SCLT1: variants seen among roughly 807,000 people sequenced by gnomAD.
SCLT1 encodes the protein sodium channel and clathrin linker 1, also known as sodium channel-associated protein 1.
Under a neutral mutation model 112.8 loss-of-function variants are expected in SCLT1, and 78 were observed. The observed-to-expected ratio is 0.69, with a 90% CI of 0.58 to 0.83. SCLT1 has a LOEUF of 0.83. Ranked by LOEUF, SCLT1 falls within the 40% of genes least tolerant of loss-of-function variation. The pLI, the probability that SCLT1 is intolerant of heterozygous loss-of-function variation, is 0.00. For missense variants in SCLT1, 747 were observed against 770.4 expected, an observed-to-expected ratio of 0.97 and a Z score of 0.36; for synonymous variants, 257 against 254.7, an observed-to-expected ratio of 1.01 and a Z score of -0.09.
downstream of SCLT1, among the ~76,000 whole-genome samples, chr4:128,879,374 T>A (rs1005776647): frequency 2.6e-5 from 4 of 151,714 alleles, no homozygotes; most frequent in Admixed American, 6.6e-5. Flanking sequence ...ATGAATTACA[T>A]CCCATGACAC....
At chr4:128,881,409 T>C (rs968931508), downstream of SCLT1, among the ~76,000 whole-genome samples, 3 of 152,242 alleles carry the variant, frequency 2.0e-5, no homozygotes, top group Non-Finnish European at 4.4e-5. Flanking sequence ...TGTGTAACTA[T>C]GAAATATTTA....
At chr4:128,946,402 T>C (rs867275043) in intron 15 of SCLT1, among the ~76,000 whole-genome samples, 10 of 152,154 alleles carry the variant, frequency 6.6e-5, no homozygotes, top group South Asian at 2.1e-4. Context: ...GACCCTGTCA[T>C]CTAAAAAAAG....
chr4:129,031,901 T>G lies in SCLT1; in HGVS notation c.290+7140A>C, dbSNP rs865930608. Reference sequence around the variant, plus strand: ...CCCAAAGTAATTTATAGATTCAATGTTATTCCCATCAAGCTACCATTGACT... The same window carrying G: ...CCCAAAGTAATTTATAGATTCAATGGTATTCCCATCAAGCTACCATTGACT... On this transcript the variant is annotated intron_variant, in intron 5 of 20. Transcript: ENST00000281142. Among the ~76,000 whole-genome samples, 15 of 152,210 alleles carry G rather than the reference T, an allele frequency of 9.9e-5. 1 individual carries two copies. In the South Asian group the frequency reaches 3.1e-3, roughly 32 times the overall value.
chr4:128,988,853 T>A (rs575839712), intron 9 of SCLT1, among the ~76,000 whole-genome samples: 77 of 151,952 alleles, frequency 5.1e-4, no homozygotes, highest in Middle Eastern at 3.4e-3. Context: ...ATAAAATAGA[T>A]TTCAAGACAA....
intron 9 of SCLT1, among the ~76,000 whole-genome samples, chr4:128,986,843 T>A (rs1357326016): frequency 6.6e-6 from 1 of 152,154 alleles, no homozygotes; most frequent in African/African-American, 2.4e-5. Flanking sequence ...GCCCCGGTAT[T>A]GTACTGGTCT....
chr4:128,956,962 G>C, intron 13 of SCLT1, 64 bp downstream of exon 13: 1 of 800,506 alleles, frequency 1.2e-6, no homozygotes, highest in Non-Finnish European at 2.0e-6. Context: ...CAAATATTTA[G>C]GTAGAATTTA....
At chr4:128,950,930 C>T (rs886225467) in intron 14 of SCLT1, among the ~76,000 whole-genome samples, 31 of 152,130 alleles carry the variant, frequency 2.0e-4, no homozygotes, top group African/African-American at 7.0e-4. Context: ...CTGTTAGGTA[C>T]GTGTTGGTCT....
intron 2 of SCLT1, among the ~76,000 whole-genome samples, chr4:129,045,276 T>A (rs1344352520): frequency 6.6e-6 from 1 of 152,104 alleles, no homozygotes; most frequent in African/African-American, 2.4e-5. Context: ...AAATTACATT[T>A]GTTAACTGGA....
At chr4:129,050,209 T>C (rs564347095) in intron 2 of SCLT1, among the ~76,000 whole-genome samples, 32 of 152,234 alleles carry the variant, frequency 2.1e-4, no homozygotes, top group Non-Finnish European at 4.6e-4. Flanking sequence ...TACGTGTGCA[T>C]GTGTCTTTAT....
chr4:128,992,034 A>C (rs1742617477), intron 9 of SCLT1, 133 bp downstream of exon 9: 10 of 606,664 alleles, frequency 1.6e-5, no homozygotes, highest in Non-Finnish European at 2.9e-5. Context: ...CAGATCATAT[A>C]CACAAGAAGA....
chr4:128,904,400 A>C (rs1017839724), intron 18 of SCLT1, among the ~76,000 whole-genome samples: 4 of 152,184 alleles, frequency 2.6e-5, no homozygotes, highest in African/African-American at 9.7e-5. Flanking sequence ...GTGTAAGTAA[A>C]AGTTTACTAA....
At chr4:128,912,535 T>C (rs903391592) in intron 18 of SCLT1, among the ~76,000 whole-genome samples, 1 of 152,210 alleles carries the variant, frequency 6.6e-6, no homozygotes, top group Non-Finnish European at 1.5e-5. Flanking sequence ...ATTGATTTCA[T>C]GCATAATCTT....
At chr4:129,076,533 A>G (rs1040837475) in intron 2 of SCLT1, among the ~76,000 whole-genome samples, 1 of 152,172 alleles carries the variant, frequency 6.6e-6, no homozygotes, top group African/African-American at 2.4e-5. Context: ...CAGAGAAAAT[A>G]AACTTATTTT....
intron 20 of SCLT1, among the ~76,000 whole-genome samples, chr4:128,888,326 C>T (rs1733048383): frequency 6.6e-6 from 1 of 151,894 alleles, no homozygotes; most frequent in Non-Finnish European, 1.5e-5. Context: ...ACGCCATCCT[C>T]CTGCCTCAGC....
At chr4:128,926,768 T>TA (rs1333303949) in intron 18 of SCLT1, among the ~76,000 whole-genome samples, 1 of 152,086 alleles carries the variant, frequency 6.6e-6, no homozygotes, top group Non-Finnish European at 1.5e-5. Flanking sequence ...ATATATTTTT[T>TA]ACTAAATGAA....
At chr4:129,092,890 T>C (rs1752977085) in intron 1 of SCLT1, among the ~76,000 whole-genome samples, 180 bp downstream of exon 1, 1 of 152,208 alleles carries the variant, frequency 6.6e-6, no homozygotes, top group Admixed American at 6.5e-5. Flanking sequence ...TACCACACGG[T>C]TCTGCTTAAA....
downstream of SCLT1, among the ~76,000 whole-genome samples, chr4:128,882,910 G>A (rs181213113): frequency 1.0e-3 from 154 of 152,240 alleles, 2 homozygotes; most frequent in Admixed American, 9.2e-3. Context: ...ACTTCGGGAG[G>A]CCGAGGCGGG....
Position 128,999,711 on chromosome 4 carries a change from A to G in SCLT1, c.510T>C (p.Thr170=). 1 of 1,608,210 alleles carries G rather than the reference A, an allele frequency of 6.2e-7. No individual in the cohort carries two copies. The highest frequency in any genetic ancestry group is 1.3e-5 in the African/African-American group (1 of 74,828). ...RLHKLYQEHM[T]EAQIHVFESQ... ...TTTCAAATACATGAATCTGGGCCTC[A>G]GTCATATGTTCCTGGTAAAGCTTGT... Residue 170 remains threonine, a synonymous_variant, in exon 7 of 21, where the codon ACT becomes ACC. Transcript: ENST00000281142.
In SCLT1 at chr4:128,975,923, CA is replaced by C. The variant is rs375470046; in HGVS notation, c.687-5456del. The stretch of plus-strand genomic sequence containing the variant: ...AAACCTATTCAAGACAGAAGGGTTC[CA>C]AAGAAATTCTAAAAGCAGTGGATAT... On this transcript the variant is annotated intron_variant, in intron 9 of 20. Transcript: ENST00000281142. Among the ~76,000 whole-genome samples the C allele has an allele frequency of 5.8e-3, 876 of 152,204 alleles. 7 individuals carry two copies. The highest frequency in any genetic ancestry group is 0.034 in the Middle Eastern group (10 of 294).
Sources: allele counts gnomAD v4.1 joint callset (sites outside exome capture counted in the v4.1 genomes callset), GRCh38; gene constraint gnomAD v4.1.1; transcripts MANE v1.5; gene names NCBI Gene and HGNC (gene_info 2026-07-23, HGNC 2026-07-21).